TENM4: variants seen among roughly 807,000 people sequenced by gnomAD.
TENM4 encodes the protein teneurin transmembrane protein 4, also known as teneurin-4.
Under a neutral mutation model 243.3 loss-of-function variants are expected in TENM4, and 82 were observed. The ratio of observed to expected loss-of-function variants is 0.34; its 90% CI spans 0.28 to 0.40. The LOEUF is 0.40. TENM4 is among the 10% of genes least tolerant of loss of function. TENM4 has a pLI of 1.00. For missense variants in TENM4, 3,138 were observed against 3,673.3 expected (o/e 0.85, Z 3.77); for synonymous variants, 1,412 against 1,456.3 (o/e 0.97, Z 0.69).
At chr11:78,823,577 G>A (rs1257793960) in intron 12 of TENM4, among the ~76,000 whole-genome samples, 1 of 152,206 alleles carries the variant, frequency 6.6e-6, no homozygotes, top group Admixed American at 6.5e-5. Flanking sequence ...TGAGTGAGGA[G>A]AGAAAGCTCA....
chr11:78,816,553 A>G lies in TENM4; in HGVS notation c.1682-2158T>C, dbSNP rs1857608592. Among the ~76,000 whole-genome samples the G allele has an allele frequency of 3.9e-5, 6 of 152,222 alleles. No individual in the cohort carries two copies. The South Asian group carries it at 1.2e-3, about 31-fold the overall frequency. On this transcript the variant is annotated intron_variant, in intron 12 of 33. Transcript: ENST00000278550. ...GGATAGAGAATTCTATAACTTTCAG[A>G]GCTTGGAGGGATCCTAGAGACATCC... is the stretch of plus-strand genomic sequence containing the variant.
At chr11:79,268,373 C>T (rs541026735) in intron 2 of TENM4, among the ~76,000 whole-genome samples, 8 of 152,302 alleles carry the variant, frequency 5.3e-5, no homozygotes, top group Non-Finnish European at 8.8e-5. Flanking sequence ...CTGTAGTTAA[C>T]TGACCCAAGT....
intron 6 of TENM4, among the ~76,000 whole-genome samples, chr11:79,052,842 T>C (rs1483635610): frequency 6.6e-6 from 1 of 152,074 alleles, no homozygotes; most frequent in East Asian, 1.9e-4. Flanking sequence ...TTCTGGAGAG[T>C]AGACTGCTAT....
At chr11:79,152,656 C>A (rs1591318258) in intron 3 of TENM4, among the ~76,000 whole-genome samples, 1 of 152,340 alleles carries the variant, frequency 6.6e-6, no homozygotes, top group African/African-American at 2.4e-5. Context: ...GAGCCAGCTG[C>A]ATTCCTCCAA....
At chr11:78,936,187 A>G (rs1039610107) in intron 6 of TENM4, among the ~76,000 whole-genome samples, 5 of 152,224 alleles carry the variant, frequency 3.3e-5, no homozygotes, top group Non-Finnish European at 5.9e-5. Context: ...GAAGAGTGAA[A>G]GAAGGAATGA....
chr11:79,200,437 C>T (rs1002302226), intron 3 of TENM4, among the ~76,000 whole-genome samples: 2 of 152,222 alleles, frequency 1.3e-5, no homozygotes, highest in Non-Finnish European at 2.9e-5. Flanking sequence ...CCATAGGTTC[C>T]TTCATCAGTG....
At chr11:78,824,474 C>T (rs1857805890) in intron 12 of TENM4, among the ~76,000 whole-genome samples, 1 of 150,946 alleles carries the variant, frequency 6.6e-6, no homozygotes, top group Non-Finnish European at 1.5e-5. Context: ...CTAATCACCC[C>T]CTACATTGGG....
intron 1 of TENM4, among the ~76,000 whole-genome samples, chr11:79,436,795 A>G (rs1188752213): frequency 6.6e-6 from 1 of 152,216 alleles, no homozygotes; most frequent in Non-Finnish European, 1.5e-5. Flanking sequence ...ATGAGAGCAG[A>G]GGAAGAACCC....
Position 79,367,257 on chromosome 11 carries a change from G to A in TENM4, c.-320-69714C>T, listed in dbSNP as rs79364822. Reference sequence around the variant, plus strand: ...CTACAAAGGTAAACCTACTCAATACGTGCGGTTTTCTCTTTCTTACCTTCT... The same window carrying A: ...CTACAAAGGTAAACCTACTCAATACATGCGGTTTTCTCTTTCTTACCTTCT... On this transcript the variant is annotated intron_variant, in intron 1 of 33. Transcript: ENST00000278550. Among the ~76,000 whole-genome samples the A allele has an allele frequency of 1.3e-3, 200 of 152,248 alleles. 9 individuals are homozygous for A. The East Asian group carries it at 0.036, about 28-fold the overall frequency.
At position 78,886,941 on chromosome 11, in the gene TENM4, G is replaced by A. The variant is rs557708162; in HGVS notation, c.1084+2844C>T. On this transcript the variant is annotated intron_variant, in intron 9 of 33. Coordinates refer to ENST00000278550, the MANE Select transcript of TENM4 (RefSeq NM_001098816.3). ...CTTCTCCACCTACGTTGTCAGTGTT[G>A]TAATTGAAGCGATCAGCTTTTCCTG... 2.6e-5 allele frequency among the ~76,000 whole-genome samples: 4 copies of A among 152,312 alleles called. No individual in the cohort carries two copies. In the East Asian group the frequency reaches 7.7e-4, roughly 29 times the overall value.
chr11:79,342,417 G>A (rs909810459), intron 1 of TENM4, among the ~76,000 whole-genome samples: 1 of 152,206 alleles, frequency 6.6e-6, no homozygotes, highest in Non-Finnish European at 1.5e-5. Flanking sequence ...TTGTGGCTAA[G>A]ACCACAGAGC....
chr11:79,099,419 C>T (rs1326748568), intron 4 of TENM4, among the ~76,000 whole-genome samples: 2 of 152,122 alleles, frequency 1.3e-5, no homozygotes, highest in Non-Finnish European at 2.9e-5. Flanking sequence ...TCATGGTGTC[C>T]TCTTTGCCTC....
chr11:79,240,739 G>A (rs901974508), intron 2 of TENM4, among the ~76,000 whole-genome samples: 1 of 152,108 alleles, frequency 6.6e-6, no homozygotes, highest in Admixed American at 6.6e-5. Context: ...TTAGCCTGGG[G>A]TCTTTTAAAA....
intron 25 of TENM4, among the ~76,000 whole-genome samples, chr11:78,713,096 A>T (rs1383338029): frequency 6.6e-6 from 1 of 152,166 alleles, no homozygotes; most frequent in African/African-American, 2.4e-5. Flanking sequence ...AGCTAGAAGG[A>T]TGGATGCTCT....
chr11:79,210,229 G>A (rs1207382729), intron 3 of TENM4, among the ~76,000 whole-genome samples: 1 of 152,152 alleles, frequency 6.6e-6, no homozygotes, highest in Non-Finnish European at 1.5e-5. Context: ...GATGAACAGG[G>A]CCTGACCATG....
In TENM4 at chr11:78,696,119, A is replaced by G. The variant is rs75261399; in HGVS notation, c.5087+5407T>C. ...CTGTATTTTAGTTTGGGTAATTTCTATTAACCATCTTCTTTCCTCAGCTGT... is the reference window on the plus strand; with the variant it reads ...CTGTATTTTAGTTTGGGTAATTTCTGTTAACCATCTTCTTTCCTCAGCTGT... On this transcript the variant is annotated intron_variant, in intron 28 of 33. Transcript: ENST00000278550. 8.2e-3 allele frequency among the ~76,000 whole-genome samples: 1,246 copies of G among 151,638 alleles called. 12 individuals carry two copies. The highest frequency in any genetic ancestry group is 0.029 in the African/African-American group (1,180 of 41,308).
rs560472395 is a variant in TENM4 at position 78,925,160 on chromosome 11, A to G, written c.494-21637T>C. 5.9e-5 allele frequency among the ~76,000 whole-genome samples: 9 copies of G among 152,286 alleles called. No individual in the cohort carries two copies. In the East Asian group the frequency reaches 1.5e-3, roughly 26 times the overall value. ...TCCAGCTTTTTCCCCTTCTCTCCCAACAAAACAAAACAGAGCAAAGAGCGT... is the reference window on the plus strand; with the variant it reads ...TCCAGCTTTTTCCCCTTCTCTCCCAGCAAAACAAAACAGAGCAAAGAGCGT... On this transcript the variant is annotated intron_variant, in intron 6 of 33. Coordinates refer to ENST00000278550, the MANE Select transcript of TENM4 (RefSeq NM_001098816.3).
chr11:79,172,989 G>C (rs551446006), intron 3 of TENM4, among the ~76,000 whole-genome samples: 3 of 152,228 alleles, frequency 2.0e-5, no homozygotes, highest in African/African-American at 7.2e-5. Context: ...CATTATTCAA[G>C]AAGCAATCAG....
chr11:79,133,998 G>T (rs1174229248), intron 4 of TENM4, among the ~76,000 whole-genome samples: 1 of 152,140 alleles, frequency 6.6e-6, no homozygotes, highest in Non-Finnish European at 1.5e-5. Flanking sequence ...CCTAGCCAGA[G>T]CAATCAGTCA....
Sources: gnomAD v4.1 joint callset for allele counts (sites outside exome capture counted in the v4.1 genomes callset) on GRCh38, gnomAD v4.1.1 for gene constraint, MANE v1.5 for transcripts, NCBI Gene and HGNC (gene_info 2026-07-23, HGNC 2026-07-21) for gene names.